Variants in LRRC4C observed in about 807,000 individuals in gnomAD.
LRRC4C encodes the protein leucine-rich repeat-containing protein 4C.
In LRRC4C, 5 loss-of-function variants were observed where a neutral mutation model predicts 33.6. The ratio of observed to expected loss-of-function variants is 0.15; its 90% confidence interval spans 0.08 to 0.31. LRRC4C has a LOEUF of 0.31. Among genes scored for constraint, LRRC4C ranks in the 10% least tolerant of loss-of-function variants. LRRC4C has a pLI of 1.00. For missense variants in LRRC4C, 560 were observed against 796.7 expected (o/e 0.70, Z 3.58); for synonymous variants, 329 against 302.0 (o/e 1.09, Z -0.93).
At chr11:40,158,464 T>G (rs1186328793) in intron 5 of LRRC4C, among the ~76,000 whole-genome samples, 1 of 152,024 alleles carries the variant, frequency 6.6e-6, no homozygotes, top group African/African-American at 2.4e-5. Context: ...GTTTAATAAT[T>G]ATGGTATGCA....
At chr11:40,621,823 G>A (rs1227962985) in intron 3 of LRRC4C, among the ~76,000 whole-genome samples, 1 of 151,694 alleles carries the variant, frequency 6.6e-6, no homozygotes, top group Non-Finnish European at 1.5e-5. Flanking sequence ...CAGAGATTTT[G>A]ATGTATTAAC....
chr11:40,740,465 G>T (rs1948101365), intron 2 of LRRC4C, among the ~76,000 whole-genome samples: 1 of 151,668 alleles, frequency 6.6e-6, no homozygotes, highest in Non-Finnish European at 1.5e-5. Flanking sequence ...GTCAATTCAT[G>T]TCCTTTTTCC....
At chr11:41,341,985 T>C (rs1437963848) in intron 1 of LRRC4C, among the ~76,000 whole-genome samples, 2 of 152,312 alleles carry the variant, frequency 1.3e-5, no homozygotes, top group African/African-American at 2.4e-5. Context: ...ATCTGGGACA[T>C]AGAGAGTCAT....
intron 3 of LRRC4C, among the ~76,000 whole-genome samples, chr11:40,355,496 C>A (rs1947615952): frequency 6.6e-6 from 1 of 152,206 alleles, no homozygotes; most frequent in African/African-American, 2.4e-5. Flanking sequence ...ACTCAGTTTT[C>A]TACCACTGAG....
At position 40,700,793 on chromosome 11, in the gene LRRC4C, A is replaced by G. The variant is rs1945829859; in HGVS notation, c.-406-52515T>C. On this transcript the variant is annotated intron_variant, in intron 2 of 6. Transcript: ENST00000528697. ...AACAAAAATCTTTGACACCTAATTTAACAATCATTTACCCAAAGTATGATT... is the reference window on the plus strand; with the variant it reads ...AACAAAAATCTTTGACACCTAATTTGACAATCATTTACCCAAAGTATGATT... Among the ~76,000 whole-genome samples the G allele has an allele frequency of 1.3e-5, 2 of 152,186 alleles. 1 individual carries two copies. Among genetic ancestry groups the G allele is most frequent in the South Asian group, 4.1e-4 (2 of 4,836 alleles).
At chr11:40,162,161 A>T (rs1179394819) in intron 5 of LRRC4C, among the ~76,000 whole-genome samples, 1 of 151,788 alleles carries the variant, frequency 6.6e-6, no homozygotes, top group East Asian at 1.9e-4. Flanking sequence ...TGGTTCCAGA[A>T]GAAAAAAAAA....
intron 2 of LRRC4C, among the ~76,000 whole-genome samples, chr11:40,829,589 T>C (rs1952318071): frequency 6.6e-6 from 1 of 152,062 alleles, no homozygotes; most frequent in Non-Finnish European, 1.5e-5. Flanking sequence ...ATTTAAAGGC[T>C]ATTCATTTTG....
intron 1 of LRRC4C, among the ~76,000 whole-genome samples, chr11:41,293,497 G>A (rs1456663751): frequency 2.6e-5 from 4 of 151,970 alleles, no homozygotes; most frequent in Admixed American, 6.5e-5. Flanking sequence ...CCCTGTGTAG[G>A]TTAATATCAC....
intron 1 of LRRC4C, among the ~76,000 whole-genome samples, chr11:41,104,484 A>G (rs567165514): frequency 6.6e-6 from 1 of 152,096 alleles, no homozygotes; most frequent in South Asian, 2.1e-4. Context: ...GAGAATGTGG[A>G]TAAATTGAAA....
intron 3 of LRRC4C, among the ~76,000 whole-genome samples, chr11:40,381,198 G>A (rs2137346588): frequency 6.6e-6 from 1 of 150,410 alleles, no homozygotes; most frequent in East Asian, 2.0e-4. Context: ...ATTTAGTGAT[G>A]TGCTAGAGTA....
chr11:40,602,908 C>T (rs1960171612), intron 3 of LRRC4C, among the ~76,000 whole-genome samples: 1 of 152,140 alleles, frequency 6.6e-6, no homozygotes, highest in Admixed American at 6.6e-5. Flanking sequence ...ATTCCTGAAT[C>T]TGCCTTTGTC....
intron 3 of LRRC4C, among the ~76,000 whole-genome samples, chr11:40,586,805 G>C (rs1204790483): frequency 6.6e-6 from 1 of 152,012 alleles, no homozygotes; most frequent in African/African-American, 2.4e-5. Flanking sequence ...CGTTATTTCT[G>C]AGGGCTCTGT....
chr11:40,462,044 A>T (rs1952423567), intron 3 of LRRC4C, among the ~76,000 whole-genome samples: 1 of 151,980 alleles, frequency 6.6e-6, no homozygotes, highest in African/African-American at 2.4e-5. Flanking sequence ...AATATCTCTA[A>T]ATTTCTTTGA....
chr11:41,251,209 A>G (rs2136643926), intron 1 of LRRC4C, among the ~76,000 whole-genome samples: 1 of 152,372 alleles, frequency 6.6e-6, no homozygotes. Context: ...TTAGGGAAAT[A>G]GTTCATGCCT....
At chr11:41,061,772 C>T (rs4756633) in intron 1 of LRRC4C, among the ~76,000 whole-genome samples, 73,013 of 151,820 alleles carry the variant, frequency 0.48, 17,780 homozygotes, top group East Asian at 0.55. Context: ...TCACGTTTGT[C>T]CATTTGGATG....
intron 5 of LRRC4C, among the ~76,000 whole-genome samples, chr11:40,186,084 C>T (rs932067428): frequency 3.3e-5 from 5 of 152,080 alleles, no homozygotes; most frequent in South Asian, 2.1e-4. Flanking sequence ...TCTAGGAAGA[C>T]GGCACCTTGA....
At chr11:40,257,636 A>T (rs1867319513) in intron 4 of LRRC4C, among the ~76,000 whole-genome samples, 1 of 152,192 alleles carries the variant, frequency 6.6e-6, no homozygotes, top group Non-Finnish European at 1.5e-5. Context: ...AGCCAATAAA[A>T]CATAAAAGAC....
At chr11:40,681,887 C>G (rs955877175) in intron 2 of LRRC4C, among the ~76,000 whole-genome samples, 5 of 152,082 alleles carry the variant, frequency 3.3e-5, no homozygotes, top group Non-Finnish European at 7.3e-5. Flanking sequence ...TATGTGGGAG[C>G]TAAGCTATGA....
At chr11:40,231,605 T>C (rs1037984128) in intron 5 of LRRC4C, among the ~76,000 whole-genome samples, 3 of 152,180 alleles carry the variant, frequency 2.0e-5, no homozygotes, top group Non-Finnish European at 4.4e-5. Context: ...CCCTAAGATA[T>C]TTTTATACCT....
Sources: allele counts gnomAD v4.1 joint callset (sites outside exome capture counted in the v4.1 genomes callset), GRCh38; gene constraint gnomAD v4.1.1; transcripts MANE v1.5; gene names NCBI Gene and HGNC (gene_info 2026-07-23, HGNC 2026-07-21).